Variants in PELI2 observed in about 807,000 individuals in gnomAD.
PELI2 encodes the protein pellino E3 ubiquitin protein ligase family member 2, also known as E3 ubiquitin-protein ligase pellino homolog 2.
In PELI2, 23 loss-of-function variants were observed where a neutral mutation model predicts 42.3. The observed-to-expected ratio is 0.54, with a 90% CI of 0.39 to 0.77. The LOEUF is 0.77. Among genes scored for constraint, PELI2 ranks in the 30% least tolerant of loss-of-function variants. The pLI is 0.00. For missense variants in PELI2, 463 were observed against 553.2 expected, an observed-to-expected ratio of 0.84 and a Z score of 1.64; for synonymous variants, 245 against 212.2, an observed-to-expected ratio of 1.15 and a Z score of -1.34.
At chr14:56,148,042 C>T (rs1566606188) in intron 1 of PELI2, among the ~76,000 whole-genome samples, 4 of 152,212 alleles carry the variant, frequency 2.6e-5, no homozygotes, top group Admixed American at 1.3e-4. Flanking sequence ...AGCACCAGAT[C>T]GTTATCTTTC....
chr14:56,261,251 C>G (rs1888705995), intron 2 of PELI2, among the ~76,000 whole-genome samples: 2 of 152,150 alleles, frequency 1.3e-5, no homozygotes, highest in South Asian at 4.1e-4. Flanking sequence ...ACAGATGACT[C>G]AGATTCAATG....
intron 3 of PELI2, among the ~76,000 whole-genome samples, chr14:56,282,617 CAT>C (rs1290183424): frequency 2.0e-5 from 3 of 151,682 alleles, no homozygotes; most frequent in African/African-American, 7.3e-5. Flanking sequence ...AATATATAGT[CAT>C]ATTTATAAAA....
Position 56,180,070 on chromosome 14 carries a change from C to A in PELI2, c.207+1606C>A, listed in dbSNP as rs1255921967. Among the ~76,000 whole-genome samples, 1 of 152,068 alleles carries A rather than the reference C, an allele frequency of 6.6e-6. No individual in the cohort carries two copies. Among genetic ancestry groups the A allele is most frequent in the African/African-American group, 2.4e-5 (1 of 41,424 alleles). On this transcript the variant is annotated intron_variant, in intron 2 of 5. Transcript: ENST00000267460. The surrounding 1 kb of genome is among the most constrained non-coding windows in gnomAD (Gnocchi z 4.4). ...AGCCTTTTATGTTTTACTTTTATACCTAGATTTTACTTCCAAGTTATTTAG... is the reference window on the plus strand; with the variant it reads ...AGCCTTTTATGTTTTACTTTTATACATAGATTTTACTTCCAAGTTATTTAG...
intron 1 of PELI2, among the ~76,000 whole-genome samples, chr14:56,153,502 A>G (rs774205806): frequency 3.3e-5 from 5 of 152,218 alleles, no homozygotes; most frequent in Admixed American, 6.5e-5. Flanking sequence ...CATTGATCCA[A>G]GACAAACTTT....
intron 2 of PELI2, among the ~76,000 whole-genome samples, chr14:56,200,341 A>G (rs554445013): frequency 1.5e-5 from 1 of 64,534 alleles, no homozygotes; most frequent in Non-Finnish European, 4.2e-5. Context: ...CAGTTTCACA[A>G]GGTAGGGCTT....
chr14:56,281,796 A>T (rs1246355657), intron 3 of PELI2, among the ~76,000 whole-genome samples: 1 of 152,180 alleles, frequency 6.6e-6, no homozygotes, highest in Non-Finnish European at 1.5e-5. Flanking sequence ...AGTAACTCTT[A>T]AAAATAAGAA....
intron 1 of PELI2, among the ~76,000 whole-genome samples, chr14:56,155,668 G>A (rs1250889340): frequency 1.3e-5 from 2 of 149,606 alleles, no homozygotes; most frequent in African/African-American, 4.9e-5. Context: ...TGCAACCTCC[G>A]CCTCCCGGGT....
intron 1 of PELI2, among the ~76,000 whole-genome samples, chr14:56,135,692 T>C (rs529792323): frequency 6.6e-6 from 1 of 152,376 alleles, no homozygotes. Flanking sequence ...TTGTTTCTTC[T>C]GGACCAAAAG....
chr14:56,246,511 C>G (rs1173389882), intron 2 of PELI2, among the ~76,000 whole-genome samples: 1 of 152,144 alleles, frequency 6.6e-6, no homozygotes, highest in Non-Finnish European at 1.5e-5. Flanking sequence ...CTGGCCTCTC[C>G]GAGCCTCTGC....
At chr14:56,250,361 A>T (rs186121848) in intron 2 of PELI2, among the ~76,000 whole-genome samples, 1 of 152,176 alleles carries the variant, frequency 6.6e-6, no homozygotes, top group Non-Finnish European at 1.5e-5. Flanking sequence ...AACTAATAGG[A>T]TAGATGAATA....
chr14:56,235,246 A>G (rs1887748135), intron 2 of PELI2, among the ~76,000 whole-genome samples: 1 of 152,238 alleles, frequency 6.6e-6, no homozygotes, highest in African/African-American at 2.4e-5. Flanking sequence ...ACTGTGGTGA[A>G]TAAAATGTTA....
At chr14:56,144,898 A>T in intron 1 of PELI2, 1 of 755,072 alleles carries the variant, frequency 1.3e-6, no homozygotes, top group Non-Finnish European at 1.6e-6. Context: ...TTTCCATCCT[A>T]CTATTTCTTT....
intron 2 of PELI2, among the ~76,000 whole-genome samples, chr14:56,233,528 G>T (rs997564238): frequency 3.3e-5 from 5 of 152,150 alleles, no homozygotes; most frequent in African/African-American, 7.2e-5. Flanking sequence ...TTAATAAATG[G>T]TGCTGGGAAA....
At chr14:56,258,661 T>C (rs923823510) in intron 2 of PELI2, among the ~76,000 whole-genome samples, 1 of 150,304 alleles carries the variant, frequency 6.7e-6, no homozygotes, top group African/African-American at 2.4e-5. Flanking sequence ...GGTATTGCAA[T>C]AGGAAGTTCC....
rs187347033 is a variant in PELI2 at position 56,162,791 on chromosome 14, A to T, written c.78-15544A>T. ...GCATTTATTATTGCCTGTCGTTTGG[A>T]TAAAAGCCATTTGAACTGGGGTGAA... On this transcript the variant is annotated intron_variant, in intron 1 of 5. Coordinates refer to ENST00000267460, the MANE Select transcript of PELI2 (RefSeq NM_021255.3). Among the ~76,000 whole-genome samples the T allele has an allele frequency of 2.0e-5, 3 of 152,292 alleles. No individual in the cohort carries two copies. In the East Asian group the frequency reaches 5.8e-4, roughly 29 times the overall value.
intron 2 of PELI2, among the ~76,000 whole-genome samples, chr14:56,201,418 C>T (rs934052112): frequency 1.3e-5 from 2 of 152,138 alleles, no homozygotes; most frequent in Non-Finnish European, 2.9e-5. Context: ...CCAGTAGTGA[C>T]AATTATCCAG....
chr14:56,153,377 A>G (rs1884433044), intron 1 of PELI2, among the ~76,000 whole-genome samples: 1 of 152,198 alleles, frequency 6.6e-6, no homozygotes, highest in Non-Finnish European at 1.5e-5. Context: ...AAACTTAAAG[A>G]TAAAGCTTAC....
intron 2 of PELI2, among the ~76,000 whole-genome samples, chr14:56,207,185 T>C (rs1459509974): frequency 6.6e-6 from 1 of 152,200 alleles, no homozygotes; most frequent in African/African-American, 2.4e-5. Context: ...AATACTGTAC[T>C]TTGTACATTG....
intron 1 of PELI2, among the ~76,000 whole-genome samples, chr14:56,131,028 T>C: frequency 6.6e-6 from 1 of 152,172 alleles, no homozygotes; most frequent in East Asian, 1.9e-4. Context: ...GGGACTAACG[T>C]CGCTGTTATG....
Sources: gnomAD v4.1 joint callset for allele counts (sites outside exome capture counted in the v4.1 genomes callset) on GRCh38, gnomAD v4.1.1 for gene constraint, Gnocchi (gnomAD v3.1) non-coding constraint, MANE v1.5 for transcripts, NCBI Gene and HGNC (gene_info 2026-07-23, HGNC 2026-07-21) for gene names.